The following MAGI1 variants were observed in gnomAD, a reference collection of about 807,000 sequenced individuals.
MAGI1 encodes the protein membrane associated guanylate kinase, WW and PDZ domain containing 1.
MAGI1 carries 58 observed loss-of-function variants against 139.9 expected under a neutral mutation model. That is an observed-to-expected ratio of 0.41 (90% confidence interval 0.34 to 0.52). MAGI1 has a LOEUF of 0.52. Ranked by LOEUF, MAGI1 falls within the 20% of genes least tolerant of loss-of-function variation. The pLI is 0.12. For synonymous variants in MAGI1, 812 were observed against 737.9 expected, an observed-to-expected ratio of 1.10 and a Z score of -1.63; for missense variants, 1,874 against 1,901.6, an observed-to-expected ratio of 0.99 and a Z score of 0.27.
chr3:65,657,788 G>T (rs530484074), intron 1 of MAGI1, among the ~76,000 whole-genome samples: 4 of 152,144 alleles, frequency 2.6e-5, no homozygotes, highest in Admixed American at 1.3e-4. Flanking sequence ...CACCTTGCAT[G>T]ATGACCCCCA....
chr3:65,863,090 A>G (rs988203367), intron 1 of MAGI1, among the ~76,000 whole-genome samples: 1 of 152,118 alleles, frequency 6.6e-6, no homozygotes, highest in Non-Finnish European at 1.5e-5. Flanking sequence ...AACCTTCCCA[A>G]TCCTCAAAAT....
chr3:65,880,483 G>A (rs1259407245), intron 1 of MAGI1, among the ~76,000 whole-genome samples: 6 of 152,096 alleles, frequency 3.9e-5, no homozygotes, highest in Admixed American at 3.9e-4. Context: ...CAGGGATTTG[G>A]AAATGGTATC....
At chr3:65,431,953 A>G (rs1207765927) in intron 10 of MAGI1, among the ~76,000 whole-genome samples, 1 of 152,188 alleles carries the variant, frequency 6.6e-6, no homozygotes, top group Non-Finnish European at 1.5e-5. Flanking sequence ...AGATTGCGCC[A>G]TTGCACTCCA....
At chr3:65,391,041 C>A in intron 14 of MAGI1, 101 bp downstream of exon 14, 1 of 1,009,136 alleles carries the variant, frequency 9.9e-7, no homozygotes, top group Non-Finnish European at 1.5e-6. Flanking sequence ...TCACTTTACC[C>A]AGTTTACACA....
chr3:65,406,011 C>T (rs1424465006), intron 12 of MAGI1, among the ~76,000 whole-genome samples: 1 of 151,832 alleles, frequency 6.6e-6, no homozygotes, highest in Non-Finnish European at 1.5e-5. Context: ...CAGGCGTGAG[C>T]CGCCACGCCC....
At chr3:65,410,130 T>C (rs1945669144) in intron 12 of MAGI1, among the ~76,000 whole-genome samples, 1 of 152,162 alleles carries the variant, frequency 6.6e-6, no homozygotes, top group Non-Finnish European at 1.5e-5. Context: ...GATGGATGAA[T>C]TGTCTCCATG....
At chr3:65,706,275 A>C (rs2030273796) in intron 1 of MAGI1, among the ~76,000 whole-genome samples, 1 of 152,258 alleles carries the variant, frequency 6.6e-6, no homozygotes, top group African/African-American at 2.4e-5. Context: ...TGTTTTAAAA[A>C]ATGCTCTGAA....
chr3:65,867,021 A>C (rs569027937), intron 1 of MAGI1, among the ~76,000 whole-genome samples: 1 of 152,262 alleles, frequency 6.6e-6, no homozygotes, highest in Non-Finnish European at 1.5e-5. Flanking sequence ...TGTCTGGGAA[A>C]TCTCTCTATT....
rs565704580 is a variant in MAGI1 at position 65,381,902 on chromosome 3, C to G, written c.2676G>C (p.Thr892=). Residue 892 remains threonine, a synonymous_variant, in exon 16 of 23, where the codon ACG becomes ACC. Coordinates refer to ENST00000402939, the MANE Select transcript of MAGI1 (RefSeq NM_001033057.2). ...QAAKQGHVNL[T]VRRKVVFAVP... ...CCGCAAAAACCACTTTACGCCGCAC[C>G]GTGAGATTGACGTGGCCTTGCTTGG... is the stretch of plus-strand genomic sequence containing the variant. The G allele has an allele frequency of 1.2e-6, 2 of 1,613,510 alleles. No homozygotes were observed. Among genetic ancestry groups the G allele is most frequent in the African/African-American group, 1.3e-5 (1 of 75,010 alleles).
At chr3:65,664,467 A>G (rs186556404) in intron 1 of MAGI1, among the ~76,000 whole-genome samples, 1 of 152,360 alleles carries the variant, frequency 6.6e-6, no homozygotes, top group African/African-American at 2.4e-5. Context: ...CACATTTTAC[A>G]GACGAAAAAA....
intron 1 of MAGI1, among the ~76,000 whole-genome samples, chr3:65,664,802 T>C (rs1018046341): frequency 2.0e-5 from 3 of 152,182 alleles, no homozygotes; most frequent in African/African-American, 7.2e-5. Flanking sequence ...TGAACAAATG[T>C]GCTTTTTACA....
chr3:65,755,868 T>A (rs1017832173), intron 1 of MAGI1, among the ~76,000 whole-genome samples: 3 of 152,252 alleles, frequency 2.0e-5, no homozygotes, highest in Non-Finnish European at 2.9e-5. Context: ...GGCAACCTTA[T>A]GCATTATCAT....
chr3:65,823,283 T>A (rs1455087267), intron 1 of MAGI1, among the ~76,000 whole-genome samples: 1 of 152,104 alleles, frequency 6.6e-6, no homozygotes, highest in Non-Finnish European at 1.5e-5. Context: ...CAATGGGGTG[T>A]CTTATGTTAT....
At chr3:65,937,692 G>T (rs915178544) in intron 1 of MAGI1, among the ~76,000 whole-genome samples, 3 of 151,908 alleles carry the variant, frequency 2.0e-5, no homozygotes, top group African/African-American at 4.8e-5. Flanking sequence ...GGTTTTTTGG[G>T]GTTTTTTTAG....
chr3:65,442,639 CTCAT>C (rs1948423379), intron 8 of MAGI1, among the ~76,000 whole-genome samples, 149 bp downstream of exon 8: 2 of 152,106 alleles, frequency 1.3e-5, no homozygotes, highest in Admixed American at 6.5e-5. Flanking sequence ...TGAATATTTT[CTCAT>C]TCATTAATAT....
intron 22 of MAGI1, 96 bp from the exon 23 acceptor site, chr3:65,357,228 C>T (rs144814315): frequency 3.1e-6 from 4 of 1,271,728 alleles, no homozygotes; most frequent in African/African-American, 1.5e-5. Context: ...TTAGTCACAA[C>T]AAGCAAACAA....
At chr3:65,383,982 G>A (rs1396065372) in intron 14 of MAGI1, among the ~76,000 whole-genome samples, 1 of 152,186 alleles carries the variant, frequency 6.6e-6, no homozygotes, top group Non-Finnish European at 1.5e-5. Flanking sequence ...CACAAAGCAG[G>A]TGTCCATGTC....
At chr3:65,742,826 T>C (rs1186787660) in intron 1 of MAGI1, among the ~76,000 whole-genome samples, 1 of 152,166 alleles carries the variant, frequency 6.6e-6, no homozygotes, top group African/African-American at 2.4e-5. Flanking sequence ...ATACAGTCAA[T>C]CAGAATGTAG....
chr3:65,865,936 G>A (rs1387660658), intron 1 of MAGI1, among the ~76,000 whole-genome samples: 3 of 152,182 alleles, frequency 2.0e-5, no homozygotes, highest in African/African-American at 4.8e-5. Context: ...CACCATGCCA[G>A]GCCATACTTT....
Sources: gnomAD v4.1 joint callset for allele counts (sites outside exome capture counted in the v4.1 genomes callset) on GRCh38, gnomAD v4.1.1 for gene constraint, MANE v1.5 for transcripts, NCBI Gene and HGNC (gene_info 2026-07-23, HGNC 2026-07-21) for gene names.